Variants in CFH observed in about 807,000 individuals in gnomAD.
CFH encodes complement factor H.
A neutral mutation model predicts 147.3 loss-of-function variants in CFH; 53 were observed. The observed-to-expected ratio is 0.36, with a 90% CI of 0.29 to 0.45. The LOEUF (loss-of-function observed/expected upper bound fraction) is 0.45. Ranked by LOEUF, CFH falls within the 20% of genes least tolerant of loss-of-function variation. CFH has a pLI of 1.00. For missense variants in CFH, 1,380 were observed against 1,498.0 expected (o/e 0.92, Z 1.30); for synonymous variants, 536 against 489.4 (o/e 1.10, Z -1.26).
chr1:196,690,417 T>C (rs777660991), intron 9 of CFH, 178 bp downstream of exon 9: 1 of 830,296 alleles, frequency 1.2e-6, no homozygotes, highest in Non-Finnish European at 2.0e-6. Flanking sequence ...AATTTCTTGA[T>C]AAGTACATAG....
At chr1:196,723,050 AT>A (rs1187706253) in intron 11 of CFH, among the ~76,000 whole-genome samples, 7 of 152,080 alleles carry the variant, frequency 4.6e-5, no homozygotes, top group Non-Finnish European at 1.0e-4. Context: ...TAAAATAAAT[AT>A]TTTAAATTCT....
chr1:196,703,711 G>A (rs866229772), intron 9 of CFH, among the ~76,000 whole-genome samples: 6 of 152,048 alleles, frequency 3.9e-5, no homozygotes, highest in African/African-American at 1.2e-4. Context: ...TTTGCTGGGC[G>A]CGGTGGCTCA....
chr1:196,692,704 TTCTTTTTC>T (rs1249169749), intron 9 of CFH, among the ~76,000 whole-genome samples: 2 of 75,962 alleles, frequency 2.6e-5, no homozygotes, highest in African/African-American at 6.2e-5. Context: ...TTCCCTTCCT[TTCTTTTTC>T]TTTCTTTCTT....
Position 196,726,513 on chromosome 1 carries a change from G to A in CFH, c.1917G>A (p.Gly639=). Residue 639 remains glycine, a synonymous_variant, in exon 13 of 22, where the codon GGG becomes GGA. Transcript: ENST00000367429. The part of the protein sequence containing the change: ...SCGPPPELLN[G]NVKEKTKEEY... Reference sequence around the variant, plus strand: ...GTCCACCTCCTGAACTCCTCAATGGGAATGTTAAGGAAAAAACGAAAGAAG... The same window carrying A: ...GTCCACCTCCTGAACTCCTCAATGGAAATGTTAAGGAAAAAACGAAAGAAG... 1.2e-6 allele frequency: 2 copies of A among 1,612,758 alleles called. No individual in the cohort carries two copies. Among genetic ancestry groups the A allele is most frequent in the Non-Finnish European group, 1.7e-6 (2 of 1,179,052 alleles).
chr1:196,739,508 G>T (rs530431972), intron 17 of CFH, among the ~76,000 whole-genome samples: 1 of 152,232 alleles, frequency 6.6e-6, no homozygotes, highest in South Asian at 2.1e-4. Flanking sequence ...TGCATAGCAG[G>T]AGTGACCTTT....
chr1:196,739,313 C>A (rs755124810), intron 17 of CFH, among the ~76,000 whole-genome samples: 1 of 152,176 alleles, frequency 6.6e-6, no homozygotes, highest in Admixed American at 6.5e-5. Flanking sequence ...GAATTTCTCC[C>A]CAGAAAAATG....
At chr1:196,687,404 G>T (rs932086983) in intron 7 of CFH, among the ~76,000 whole-genome samples, 5 of 151,762 alleles carry the variant, frequency 3.3e-5, no homozygotes, top group African/African-American at 1.2e-4. Flanking sequence ...CCAAATTAGA[G>T]AATAGCTAAA....
intron 7 of CFH, among the ~76,000 whole-genome samples, chr1:196,688,344 T>G (rs1667899101): frequency 6.6e-6 from 1 of 152,052 alleles, no homozygotes; most frequent in Non-Finnish European, 1.5e-5. Flanking sequence ...TAAATATATT[T>G]TATGACATCA....
rs749875053 is a variant in CFH, at chr1:196,652,133, A to G, written c.16A>G (p.Lys6Glu). Residue 6 changes from lysine to glutamate, a missense_variant, in exon 1 of 22, where the codon AAG (lysine) becomes GAG (glutamate). Physicochemically the swap from Lys to Glu is moderately conservative, Grantham distance 56. Transcript: ENST00000367429. The part of the protein sequence containing the change: MRLLA[K>E]IICLMLWAIC... ...GATCCAAAAAATGAGACTTCTAGCA[A>G]AGATTATTTGCCTTATGTTATGGGC... The G allele has an allele frequency of 3.7e-6, 6 of 1,612,136 alleles. No individual in the cohort carries two copies. In the Admixed American group the frequency reaches 8.3e-5, roughly 22 times the overall value.
chr1:196,695,042 C>G (rs901349619), intron 9 of CFH, among the ~76,000 whole-genome samples: 2 of 152,112 alleles, frequency 1.3e-5, no homozygotes, highest in African/African-American at 4.8e-5. Context: ...GCCTTTGTTG[C>G]CATTGCTTTT....
rs200638179 is a variant in CFH, at chr1:196,747,328, T to A, written c.*15T>A. On this transcript the variant is annotated 3_prime_UTR_variant, in exon 22 of 22. Transcript: ENST00000367429. ...CAAAAAGATAGAATCAATCATAAAG[T>A]GCACACCTTTATTCAGAACTTTAGT... The A allele has an allele frequency of 6.8e-6, 11 of 1,614,090 alleles. No individual in the cohort carries two copies. In the South Asian group the frequency reaches 1.1e-4, roughly 16 times the overall value.
In CFH at chr1:196,677,511, G is replaced by A; in HGVS notation, c.463G>A (p.Gly155Arg). 6.2e-7 allele frequency: 1 copy of A among 1,613,080 alleles called. No homozygotes were observed. The change falls in exon 5 of 22, where the codon GGA (glycine) becomes AGA (arginine). Residue 155 changes from glycine to arginine, a missense_variant. Gly to Arg is a moderately radical substitution (Grantham distance 125). Around this residue, in one of 4 missense-constraint regions of CFH, gnomAD observed 260 missense variants for 263.3 expected, o/e 0.99. Coordinates refer to ENST00000367429, the MANE Select transcript of CFH (RefSeq NM_000186.4). ...KCLPVTAPENGKIVSSAMEPD... is the reference protein window; with the variant it reads ...KCLPVTAPENRKIVSSAMEPD... Reference sequence around the variant, plus strand: ...TTTACCAGTGACAGCACCAGAGAATGGAAAAATTGTCAGTAGTGCAATGGA... The same window carrying A: ...TTTACCAGTGACAGCACCAGAGAATAGAAAAATTGTCAGTAGTGCAATGGA...
At chr1:196,664,472 C>T (rs1044812032) in intron 1 of CFH, among the ~76,000 whole-genome samples, 2 of 152,104 alleles carry the variant, frequency 1.3e-5, no homozygotes, top group African/African-American at 4.8e-5. Context: ...TTTTAGACTT[C>T]GTGAGCCATA....
At chr1:196,723,728 C>T (rs942524725) in intron 11 of CFH, among the ~76,000 whole-genome samples, 4 of 152,050 alleles carry the variant, frequency 2.6e-5, no homozygotes, top group African/African-American at 9.7e-5. Context: ...AGGATGAGCA[C>T]AAGCACCAGC....
chr1:196,741,277 A>G, intron 18 of CFH: 1 of 175,890 alleles, frequency 5.7e-6, no homozygotes, highest in Non-Finnish European at 1.2e-5. Flanking sequence ...TTTATAAAAG[A>G]AAAAATTTTA....
Position 196,689,633 on chromosome 1 carries a change from T to G in CFH, c.1159+19T>G, listed in dbSNP as rs35695425. The G allele has an allele frequency of 1.4e-3, 2,254 of 1,611,594 alleles. 23 individuals carry two copies. In the African/African-American group the frequency reaches 0.024, roughly 17 times the overall value. On this transcript the variant is annotated intron_variant, in intron 8 of 21. Coordinates refer to ENST00000367429, the MANE Select transcript of CFH (RefSeq NM_000186.4). Reference sequence around the variant, plus strand: ...TGCCTCAGTAAGTAAACCTCTGAACTGCTATATATATGTATAAAACTTTCA... The same window carrying G: ...TGCCTCAGTAAGTAAACCTCTGAACGGCTATATATATGTATAAAACTTTCA...
chr1:196,715,575 A>G lies in CFH; in HGVS notation c.1520-18A>G. 1 of 1,592,916 alleles carries G rather than the reference A, an allele frequency of 6.3e-7. No homozygotes were observed. The highest frequency in any genetic ancestry group is 8.6e-7 in the Non-Finnish European group (1 of 1,161,372). ...TAGATGACATTAGAAATGACATTCT[A>G]AATTTTTTATGCACTAGAATCTTGT... On this transcript the variant is annotated intron_variant, in intron 10 of 21. Coordinates refer to ENST00000367429, the MANE Select transcript of CFH (RefSeq NM_000186.4).
chr1:196,700,512 G>T (rs1048926420), intron 9 of CFH, among the ~76,000 whole-genome samples: 1 of 151,994 alleles, frequency 6.6e-6, no homozygotes, highest in Non-Finnish European at 1.5e-5. Context: ...AAGTTGCCCA[G>T]GCATGGTGGC....
At chr1:196,708,079 C>G (rs1322795700) in intron 9 of CFH, among the ~76,000 whole-genome samples, 2 of 152,122 alleles carry the variant, frequency 1.3e-5, no homozygotes, top group East Asian at 3.9e-4. Flanking sequence ...TGTGGACATT[C>G]TAAAATTTAG....
Sources: allele counts gnomAD v4.1 joint callset (sites outside exome capture counted in the v4.1 genomes callset), GRCh38; gene constraint gnomAD v4.1.1; regional missense constraint gnomAD v4.1.1; transcripts MANE v1.5; gene names NCBI Gene and HGNC (gene_info 2026-07-23, HGNC 2026-07-21).